Variants in MAF observed in about 807,000 individuals in gnomAD.
The protein encoded by MAF is MAF bZIP transcription factor, also known as transcription factor Maf.
Under a neutral mutation model 22.0 loss-of-function variants are expected in MAF, and 10 were observed. The ratio of observed to expected loss-of-function variants is 0.45; its 90% CI spans 0.28 to 0.77. MAF has a LOEUF of 0.77. Ranked by LOEUF, MAF falls within the 30% of genes least tolerant of loss-of-function variation. The pLI is 0.12. For synonymous variants in MAF, 337 were observed against 255.8 expected (o/e 1.32, Z -3.03); for missense variants, 544 against 548.4 (o/e 0.99, Z 0.08).
At chr16:79,270,192 T>C in the MAF span, among the ~76,000 whole-genome samples, 1 of 152,098 alleles carries the variant, frequency 6.6e-6, no homozygotes, top group Non-Finnish European at 1.5e-5. Context: ...AGATCCCTTC[T>C]GCATCTAGCT....
At chr16:79,576,452 G>A in the MAF span, among the ~76,000 whole-genome samples, 5 of 152,042 alleles carry the variant, frequency 3.3e-5, no homozygotes, top group Non-Finnish European at 5.9e-5. Context: ...ATGATAGCAA[G>A]ATTAAATGTT....
At chr16:79,581,098 C>A (rs918123862), downstream of MAF, among the ~76,000 whole-genome samples, 2 of 152,090 alleles carry the variant, frequency 1.3e-5, no homozygotes, top group African/African-American at 4.8e-5. Context: ...GATTTCAACA[C>A]TATTAAATGT....
chr16:79,220,750 T>A, the MAF span, among the ~76,000 whole-genome samples: 3 of 152,236 alleles, frequency 2.0e-5, no homozygotes, highest in Non-Finnish European at 4.4e-5. Context: ...GGGTAGTTAC[T>A]GGCAAGATAC....
the MAF span, among the ~76,000 whole-genome samples, chr16:79,565,655 G>C: frequency 6.6e-6 from 1 of 152,118 alleles, no homozygotes; most frequent in Non-Finnish European, 1.5e-5. Context: ...CCTTCATGTT[G>C]CTTCCCCTTC....
chr16:79,507,114 C>CT, the MAF span, among the ~76,000 whole-genome samples: 5,398 of 115,124 alleles, frequency 0.047, 423 homozygotes, highest in African/African-American at 0.15. Context: ...TTTTCTGCGT[C>CT]TTTTTTTTTT....
the MAF span, among the ~76,000 whole-genome samples, chr16:79,452,680 G>A: frequency 6.6e-6 from 1 of 152,028 alleles, no homozygotes; most frequent in African/African-American, 2.4e-5. Context: ...CCATTTCTCA[G>A]CTTCTTTGGA....
the MAF span, among the ~76,000 whole-genome samples, chr16:79,347,304 G>A: frequency 1.3e-5 from 2 of 152,192 alleles, no homozygotes; most frequent in Admixed American, 1.3e-4. Flanking sequence ...CAGGGCTCTT[G>A]CCTTCCAACC....
At chr16:79,288,414 C>A in the MAF span, among the ~76,000 whole-genome samples, 1 of 152,150 alleles carries the variant, frequency 6.6e-6, no homozygotes, top group Non-Finnish European at 1.5e-5. Flanking sequence ...GTCCAAGCTG[C>A]TACGTGGGGA....
At chr16:79,536,041 A>G in the MAF span, among the ~76,000 whole-genome samples, 20,371 of 152,230 alleles carry the variant, frequency 0.13, 1,462 homozygotes, top group South Asian at 0.18. Context: ...TCTGCATGCT[A>G]TGCAGACAAT....
At chr16:79,267,479 C>A in the MAF span, among the ~76,000 whole-genome samples, 1 of 152,090 alleles carries the variant, frequency 6.6e-6, no homozygotes, top group Non-Finnish European at 1.5e-5. Flanking sequence ...GGGAGGAATC[C>A]CCTTTGCCCG....
At chr16:79,400,912 G>T in the MAF span, among the ~76,000 whole-genome samples, 1 of 152,262 alleles carries the variant, frequency 6.6e-6, no homozygotes, top group African/African-American at 2.4e-5. Flanking sequence ...CCTGTCCAAA[G>T]TCTGAGCAGC....
downstream of MAF, among the ~76,000 whole-genome samples, chr16:79,581,009 G>C (rs953325922): frequency 1.3e-5 from 2 of 152,018 alleles, no homozygotes; most frequent in Admixed American, 6.6e-5. Context: ...ATCTCTCTTG[G>C]CTACCCTTAC....
the MAF span, among the ~76,000 whole-genome samples, chr16:79,515,642 G>C: frequency 2.6e-5 from 4 of 152,162 alleles, no homozygotes; most frequent in African/African-American, 9.7e-5. Context: ...CTTAAGTTGA[G>C]AAGCGTCTGT....
the MAF span, among the ~76,000 whole-genome samples, chr16:79,388,105 C>T: frequency 6.6e-6 from 1 of 152,166 alleles, no homozygotes; most frequent in South Asian, 2.1e-4. Context: ...CTCCTGGTTT[C>T]ACTTACTTCT....
chr16:79,494,720 T>C, the MAF span, among the ~76,000 whole-genome samples: 1 of 152,116 alleles, frequency 6.6e-6, no homozygotes, highest in Admixed American at 6.5e-5. Context: ...ACTGACTGAG[T>C]GTCCCGGTAA....
chr16:79,334,571 T>A, the MAF span, among the ~76,000 whole-genome samples: 1 of 152,154 alleles, frequency 6.6e-6, no homozygotes, highest in African/African-American at 2.4e-5. Context: ...CAAGACCCAA[T>A]GCAAAATGAA....
chr16:79,330,671 G>C, the MAF span, among the ~76,000 whole-genome samples: 3 of 152,230 alleles, frequency 2.0e-5, no homozygotes, highest in Non-Finnish European at 4.4e-5. Flanking sequence ...CATCAAAACA[G>C]CTCCCCTTCA....
chr16:79,544,690 G>A, the MAF span, among the ~76,000 whole-genome samples: 3 of 149,044 alleles, frequency 2.0e-5, no homozygotes, highest in Middle Eastern at 3.6e-3. Context: ...GGAGAATGGC[G>A]TGAACCCAGG....
the MAF span, among the ~76,000 whole-genome samples, chr16:79,455,681 G>A: frequency 3.9e-5 from 6 of 152,288 alleles, no homozygotes; most frequent in African/African-American, 1.4e-4. Flanking sequence ...TTTGAATCAA[G>A]TGAGCAAATA....
Sources: gnomAD v4.1 joint callset for allele counts (sites outside exome capture counted in the v4.1 genomes callset) on GRCh38, gnomAD v4.1.1 for gene constraint, MANE v1.5 for transcripts, NCBI Gene and HGNC (gene_info 2026-07-23, HGNC 2026-07-21) for gene names.